TRAPPC12: variants seen among roughly 807,000 people sequenced by gnomAD.
TRAPPC12 encodes trafficking protein particle complex subunit 12.
A neutral mutation model predicts 69.2 loss-of-function variants in TRAPPC12; 61 were observed. That is an observed-to-expected ratio of 0.88 (90% confidence interval 0.72 to 1.09). The LOEUF is 1.09. TRAPPC12 is among the 50% of genes least tolerant of loss of function. The pLI, the probability that TRAPPC12 is intolerant of heterozygous loss-of-function variation, is 0.00. For synonymous variants in TRAPPC12, 469 were observed against 438.9 expected (o/e 1.07, Z -0.86); for missense variants, 1,101 against 1,016.4 (o/e 1.08, Z -1.13).
At chr2:3,430,408 C>T (rs1272453256) in intron 5 of TRAPPC12, among the ~76,000 whole-genome samples, 2 of 152,236 alleles carry the variant, frequency 1.3e-5, no homozygotes, top group Non-Finnish European at 2.9e-5. Flanking sequence ...AATTCTACCT[C>T]CTGTCGCAAC....
At chr2:3,415,857 C>T (rs1388422992) in intron 3 of TRAPPC12, among the ~76,000 whole-genome samples, 1 of 151,962 alleles carries the variant, frequency 6.6e-6, no homozygotes, top group East Asian at 1.9e-4. Context: ...GCTGGGACTG[C>T]AGGCGCCCAC....
intron 2 of TRAPPC12, among the ~76,000 whole-genome samples, chr2:3,396,766 AATTTTT>A (rs1162277210): frequency 2.6e-5 from 4 of 151,956 alleles, no homozygotes; most frequent in Non-Finnish European, 4.4e-5. Context: ...TTACCTCTGG[AATTTTT>A]ATTTGGTTCT....
At chr2:3,391,118 T>C (rs1660799248) in intron 2 of TRAPPC12, among the ~76,000 whole-genome samples, 2 of 152,220 alleles carry the variant, frequency 1.3e-5, no homozygotes, top group Non-Finnish European at 2.9e-5. Flanking sequence ...TGCATGTCAG[T>C]TTTAGTTTAT....
chr2:3,465,767 G>C (rs1665780547), intron 9 of TRAPPC12, 72 bp downstream of exon 9: 1 of 1,010,532 alleles, frequency 9.9e-7, no homozygotes, highest in African/African-American at 1.6e-5. Flanking sequence ...GCGACTGTTT[G>C]CTTTTAATCA....
chr2:3,424,249 C>T (rs574792957), intron 4 of TRAPPC12, among the ~76,000 whole-genome samples: 7 of 152,338 alleles, frequency 4.6e-5, no homozygotes, highest in African/African-American at 1.2e-4. Context: ...GACAGGGTCT[C>T]GCTATGTTGC....
chr2:3,457,793 A>T, intron 7 of TRAPPC12, 100 bp downstream of exon 7: 1 of 1,532,346 alleles, frequency 6.5e-7, no homozygotes, highest in Non-Finnish European at 8.7e-7. Flanking sequence ...TCCTTTCTGT[A>T]GTCAGCACTG....
intron 3 of TRAPPC12, among the ~76,000 whole-genome samples, chr2:3,402,335 T>G (rs967266704): frequency 2.6e-5 from 4 of 152,212 alleles, no homozygotes; most frequent in Non-Finnish European, 5.9e-5. Context: ...CTCACACCTG[T>G]AATCCCAGCA....
chr2:3,478,891 G>A lies in TRAPPC12; in HGVS notation c.1923G>A (p.Arg641=). The part of the protein sequence containing the change: ...LGQNNFAEAH[R]FFTEILRMDP... ...AGAATAACTTTGCAGAAGCCCACAGGTTCTTCACAGAGATCTTAAGGATGG... is the reference window on the plus strand; with the variant it reads ...AGAATAACTTTGCAGAAGCCCACAGATTCTTCACAGAGATCTTAAGGATGG... The change falls in exon 11 of 12, where the codon AGG becomes AGA. Residue 641 remains arginine (R), a synonymous_variant. Coordinates refer to ENST00000324266, the MANE Select transcript of TRAPPC12 (RefSeq NM_016030.6). The A allele has an allele frequency of 6.2e-7, 1 of 1,614,186 alleles. No homozygotes were observed. The highest frequency in any genetic ancestry group is 8.5e-7 in the Non-Finnish European group (1 of 1,180,044).
chr2:3,415,693 C>G (rs535836670), intron 3 of TRAPPC12, among the ~76,000 whole-genome samples: 44 of 147,230 alleles, frequency 3.0e-4, no homozygotes, highest in African/African-American at 1.0e-3. Flanking sequence ...AGTGAGCCAT[C>G]GTGCCTGGCC....
chr2:3,384,410 T>G (rs1660400408), intron 1 of TRAPPC12, among the ~76,000 whole-genome samples: 1 of 152,246 alleles, frequency 6.6e-6, no homozygotes, highest in African/African-American at 2.4e-5. Flanking sequence ...AGAGAATGCT[T>G]TAAACGTTTC....
intron 2 of TRAPPC12, among the ~76,000 whole-genome samples, chr2:3,397,809 G>A (rs986558768): frequency 6.6e-5 from 10 of 152,162 alleles, no homozygotes; most frequent in African/African-American, 2.2e-4. Flanking sequence ...AGCAAAATAA[G>A]AATGTTGGGA....
chr2:3,393,514 C>A (rs376333876), intron 2 of TRAPPC12, among the ~76,000 whole-genome samples: 2 of 152,146 alleles, frequency 1.3e-5, no homozygotes, highest in African/African-American at 2.4e-5. Flanking sequence ...CACATATACA[C>A]ACACACACAG....
At chr2:3,462,959 G>A (rs1665589839) in intron 8 of TRAPPC12, 1 of 470,992 alleles carries the variant, frequency 2.1e-6, no homozygotes, top group Admixed American at 2.4e-5. Context: ...TTAGACTGCA[G>A]AAGTCCTTGC....
chr2:3,392,351 C>T (rs534237369), intron 2 of TRAPPC12, among the ~76,000 whole-genome samples: 5 of 152,234 alleles, frequency 3.3e-5, no homozygotes, highest in South Asian at 2.1e-4. Context: ...CCAGGACAGA[C>T]GGCCTAGACA....
rs2103101895 is a variant in TRAPPC12, at chr2:3,443,888, C to T, written c.1527C>T (p.Ser509=). ...DRLHKVKTVC[S]KILANLEQGL... ...TGCACAAGGTGAAGACTGTCTGCAG[C>T]AAGGTAGGTGGCGCTGTCATTCTTC... The change falls in exon 6 of 12, where the codon AGC becomes AGT. Residue 509 remains serine (S), a synonymous_variant. Coordinates refer to ENST00000324266, the MANE Select transcript of TRAPPC12 (RefSeq NM_016030.6). 1 of 1,612,560 alleles carries T rather than the reference C, an allele frequency of 6.2e-7. No individual in the cohort carries two copies. The highest frequency in any genetic ancestry group is 8.5e-7 in the Non-Finnish European group (1 of 1,178,870).
At chr2:3,447,937 C>G (rs148672953) in intron 6 of TRAPPC12, among the ~76,000 whole-genome samples, 1 of 152,164 alleles carries the variant, frequency 6.6e-6, no homozygotes. Context: ...CCTCTCGGTC[C>G]GTGGACTGCC....
In TRAPPC12 at chr2:3,388,573, G is replaced by A. The variant is rs1426473967; in HGVS notation, c.950G>A (p.Arg317His). 6 of 1,612,330 alleles carry A rather than the reference G, an allele frequency of 3.7e-6. No individual in the cohort carries two copies. Among genetic ancestry groups the A allele is most frequent in the African/African-American group, 1.3e-5 (1 of 74,926 alleles). ...NDAWLPGEAT[R>H]GVLRAVATQQ... ...GCCTGGCTTCCCGGCGAGGCTACGCGTGGAGTCCTGCGGGCCGTGGCCACC... is the reference window on the plus strand; with the variant it reads ...GCCTGGCTTCCCGGCGAGGCTACGCATGGAGTCCTGCGGGCCGTGGCCACC... The change falls in exon 2 of 12, where the codon CGT becomes CAT. Residue 317 changes from arginine (R) to histidine (H), a missense_variant. Physicochemically the swap from Arg to His is conservative, Grantham distance 29. Coordinates refer to ENST00000324266, the MANE Select transcript of TRAPPC12 (RefSeq NM_016030.6).
intron 10 of TRAPPC12, among the ~76,000 whole-genome samples, chr2:3,478,494 C>A (rs183494477): frequency 6.6e-6 from 1 of 152,024 alleles, no homozygotes; most frequent in Non-Finnish European, 1.5e-5. Flanking sequence ...ATTAGCCAGG[C>A]GTGGTGGCAG....
rs1299794839 is a variant in TRAPPC12 at position 3,387,650 on chromosome 2, G to A, written c.27G>A (p.Glu9=). 11 of 1,545,740 alleles carry A rather than the reference G, an allele frequency of 7.1e-6. No homozygotes were observed. Among genetic ancestry groups the A allele is most frequent in the Non-Finnish European group, 9.6e-6 (11 of 1,143,316 alleles). MEDAGGGE[E]TPAPEAPHPP... Reference sequence around the variant, plus strand: ...TGGAGGACGCTGGCGGCGGCGAGGAGACCCCGGCCCCGGAGGCCCCGCACC... The same window carrying A: ...TGGAGGACGCTGGCGGCGGCGAGGAAACCCCGGCCCCGGAGGCCCCGCACC... Residue 9 remains glutamate (E), a synonymous_variant, in exon 2 of 12, where the codon GAG becomes GAA. Coordinates refer to ENST00000324266, the MANE Select transcript of TRAPPC12 (RefSeq NM_016030.6).
Sources: allele counts gnomAD v4.1 joint callset (sites outside exome capture counted in the v4.1 genomes callset), GRCh38; gene constraint gnomAD v4.1.1; transcripts MANE v1.5; gene names NCBI Gene and HGNC (gene_info 2026-07-23, HGNC 2026-07-21).